Variants in SYNE1 observed in about 807,000 individuals in gnomAD.
SYNE1 encodes nesprin-1.
Under a neutral mutation model 1,111.0 loss-of-function variants are expected in SYNE1, and 616 were observed. That is an observed-to-expected ratio of 0.55 (90% CI 0.52 to 0.59). The LOEUF is 0.59. Among genes scored for constraint, SYNE1 ranks in the 20% least tolerant of loss-of-function variants. The pLI is 0.00. For missense variants in SYNE1, 10,006 were observed against 10,417.0 expected (o/e 0.96, Z 1.72); for synonymous variants, 3,855 against 3,825.8 (o/e 1.01, Z -0.28).
chr6:152,334,931 T>C (rs932507712), intron 76 of SYNE1, among the ~76,000 whole-genome samples: 1 of 152,148 alleles, frequency 6.6e-6, no homozygotes, highest in Non-Finnish European at 1.5e-5. Context: ...GCAAAGTAGC[T>C]TGGGTCACCA....
chr6:152,478,321 G>A (rs1370797937), intron 14 of SYNE1, among the ~76,000 whole-genome samples: 2 of 152,236 alleles, frequency 1.3e-5, no homozygotes, highest in Non-Finnish European at 2.9e-5. Flanking sequence ...GTAGCTGGGA[G>A]GGGAAGTGGG....
Position 152,323,488 on chromosome 6 carries a change from G to C in SYNE1, c.15907C>G (p.Arg5303Gly), listed in dbSNP as rs149215868. The C allele has an allele frequency of 1.9e-6, 3 of 1,613,662 alleles. No individual in the cohort carries two copies. Among genetic ancestry groups the C allele is most frequent in the African/African-American group, 2.7e-5 (2 of 74,934 alleles). ...LMQEITAMQD[R>G]CLNMQEKVKT... ...TAGGTGCTTAATTACTTCAGGCACC[G>C]ATCTTGCATGGCGGTGATTTCCTGC... Residue 5303 changes from arginine (R) to glycine (G), a missense_variant, in exon 82 of 146, where the codon CGG (arginine) becomes GGG (glycine). Coordinates refer to ENST00000367255, the MANE Select transcript of SYNE1 (RefSeq NM_182961.4).
chr6:152,232,300 T>C (rs1305615684), intron 112 of SYNE1, 35 bp from the exon 113 acceptor site: 1 of 1,612,990 alleles, frequency 6.2e-7, no homozygotes, highest in African/African-American at 1.3e-5. Context: ...GTCCCAAGTG[T>C]TAAAATGGAA....
intron 93 of SYNE1, among the ~76,000 whole-genome samples, chr6:152,298,368 G>C (rs2094992259): frequency 6.6e-6 from 1 of 152,140 alleles, no homozygotes; most frequent in African/African-American, 2.4e-5. Flanking sequence ...CAGAGTCTAA[G>C]CCTTGGCTTG....
At chr6:152,487,877 C>T (rs949037096) in intron 12 of SYNE1, among the ~76,000 whole-genome samples, 7 of 152,010 alleles carry the variant, frequency 4.6e-5, no homozygotes, top group African/African-American at 1.7e-4. Context: ...AGATTGAGAC[C>T]ATCCTGGCTA....
At chr6:152,230,816 G>T in intron 114 of SYNE1, 114 bp from the exon 115 acceptor site, 2 of 1,217,126 alleles carry the variant, frequency 1.6e-6, no homozygotes, top group Non-Finnish European at 2.3e-6. Context: ...TTAAAATACA[G>T]TTCATCGTAT....
chr6:152,434,827 T>C (rs977769177), intron 33 of SYNE1: 2 of 151,036 alleles, frequency 1.3e-5, no homozygotes, highest in Non-Finnish European at 3.0e-5. Context: ...TCAAGAAAAA[T>C]AGAGTGGCAT....
chr6:152,588,063 A>T (rs62427727), intron 3 of SYNE1, among the ~76,000 whole-genome samples: 2 of 152,170 alleles, frequency 1.3e-5, no homozygotes, highest in African/African-American at 4.8e-5. Context: ...GTAAAATTTC[A>T]AGACTGCTTC....
At chr6:152,502,600 T>A (rs1207140477) in intron 10 of SYNE1, 33 bp downstream of exon 10, 6 of 1,497,354 alleles carry the variant, frequency 4.0e-6, no homozygotes, top group African/African-American at 1.4e-5. Flanking sequence ...TCATTGCATA[T>A]ACCAGTGATA....
At chr6:152,374,839 G>GA (rs1432632468) in intron 58 of SYNE1, among the ~76,000 whole-genome samples, 1 of 151,920 alleles carries the variant, frequency 6.6e-6, no homozygotes, top group Non-Finnish European at 1.5e-5. Flanking sequence ...CTCCAATATA[G>GA]AAAAATAGGT....
At chr6:152,311,657 A>G (rs1277945253) in intron 87 of SYNE1, among the ~76,000 whole-genome samples, 2 of 152,232 alleles carry the variant, frequency 1.3e-5, no homozygotes, top group African/African-American at 4.8e-5. Context: ...TTTCAGACAG[A>G]GAGAACAGCA....
intron 132 of SYNE1, 187 bp from the exon 133 acceptor site, chr6:152,155,229 G>A (rs771844355): frequency 1.8e-5 from 11 of 610,884 alleles, no homozygotes; most frequent in Middle Eastern, 4.3e-4. Context: ...AAAATAAAAC[G>A]GCTGTTTTAT....
At chr6:152,380,898 G>T (rs776020419) in intron 56 of SYNE1, 108 bp downstream of exon 56, 28 of 1,002,292 alleles carry the variant, frequency 2.8e-5, no homozygotes, top group Non-Finnish European at 4.2e-5. Context: ...TCTTCCAAGT[G>T]TGCATGTTGC....
chr6:152,417,291 G>A lies in SYNE1; in HGVS notation c.5422-276C>T, dbSNP rs556997340. Among the ~76,000 whole-genome samples the A allele has an allele frequency of 5.3e-5, 8 of 152,288 alleles. No individual in the cohort carries two copies. The South Asian group carries it at 6.2e-4, about 12-fold the overall frequency. Reference sequence around the variant, plus strand: ...AGGCGGGCAGATCACGAGGTCAGGAGATCGAAACCATCCTGGCTAACACGG... The same window carrying A: ...AGGCGGGCAGATCACGAGGTCAGGAAATCGAAACCATCCTGGCTAACACGG... On this transcript the variant is annotated intron_variant, in intron 40 of 145. Transcript: ENST00000367255.
At chr6:152,231,368 A>T in intron 114 of SYNE1, 23 bp downstream of exon 114, 1 of 1,613,714 alleles carries the variant, frequency 6.2e-7, no homozygotes, top group Non-Finnish European at 8.5e-7. Flanking sequence ...GTAAATCTGG[A>T]CAGTGGGAAG....
chr6:152,497,661 C>T lies in SYNE1; in HGVS notation c.939+1081G>A, dbSNP rs141304489. On this transcript the variant is annotated intron_variant, in intron 11 of 145. Coordinates refer to ENST00000367255, the MANE Select transcript of SYNE1 (RefSeq NM_182961.4). ...GTTCTTAAAATAACTTTATTAGAGC[C>T]TATTTAGTAAATGACTTTCTAATGG... 5.3e-3 allele frequency among the ~76,000 whole-genome samples: 801 copies of T among 152,264 alleles called. 8 individuals carry two copies. The highest frequency in any genetic ancestry group is 0.018 in the African/African-American group (748 of 41,542).
At chr6:152,427,641 C>T in intron 38 of SYNE1, 52 bp downstream of exon 38, 1 of 1,605,640 alleles carries the variant, frequency 6.2e-7, no homozygotes, top group Non-Finnish European at 8.5e-7. Context: ...AATAATGTAA[C>T]TGTAACAAAA....
chr6:152,136,103 G>A (rs896294471), intron 141 of SYNE1, among the ~76,000 whole-genome samples: 4 of 152,046 alleles, frequency 2.6e-5, no homozygotes, highest in African/African-American at 7.2e-5. Flanking sequence ...TATCATCCAC[G>A]TCTGCAAGTA....
chr6:152,499,577 G>A (rs2099017746), intron 10 of SYNE1, among the ~76,000 whole-genome samples: 1 of 152,054 alleles, frequency 6.6e-6, no homozygotes, highest in East Asian at 1.9e-4. Flanking sequence ...AGTACTTTGA[G>A]GTGAGGGCTC....
Sources: gnomAD v4.1 joint callset for allele counts (sites outside exome capture counted in the v4.1 genomes callset) on GRCh38, gnomAD v4.1.1 for gene constraint, MANE v1.5 for transcripts, NCBI Gene and HGNC (gene_info 2026-07-23, HGNC 2026-07-21) for gene names.